Variants in MAP4K1 observed in about 807,000 individuals in gnomAD.
The protein encoded by MAP4K1 is MAPK/ERK kinase kinase kinase 1.
A neutral mutation model predicts 122.8 loss-of-function variants in MAP4K1; 35 were observed. The observed-to-expected ratio is 0.29, with a 90% CI of 0.22 to 0.38. The LOEUF is 0.38. MAP4K1 is among the 10% of genes least tolerant of loss of function. The pLI is 1.00. For missense variants in MAP4K1, 791 were observed against 1,072.6 expected, an observed-to-expected ratio of 0.74 and a Z score of 3.67; for synonymous variants, 412 against 421.3, an observed-to-expected ratio of 0.98 and a Z score of 0.27.
At position 38,601,475 on chromosome 19, in the gene MAP4K1, G is replaced by A. The variant is rs766058383; in HGVS notation, c.1497C>T (p.His499=). 1 of 1,610,552 alleles carries A rather than the reference G, an allele frequency of 6.2e-7. No individual in the cohort carries two copies. The highest frequency in any genetic ancestry group is 1.7e-5 in the Admixed American group (1 of 59,562). The part of the protein sequence containing the change: ...KLFNGCPLRI[H]STAAWTHPST... Reference sequence around the variant, plus strand: ...AGGGATGTGTCCAGGCGGCCGTGCTGTGGATCCGGAGGGGGCAGCCATTGA... The same window carrying A: ...AGGGATGTGTCCAGGCGGCCGTGCTATGGATCCGGAGGGGGCAGCCATTGA... The change falls in exon 20 of 31, where the codon CAC becomes CAT. Residue 499 remains histidine (H), a synonymous_variant. Coordinates refer to ENST00000396857, the MANE Select transcript of MAP4K1 (RefSeq NM_001042600.3).
chr19:38,601,122 T>C (rs1217205376), intron 20 of MAP4K1, among the ~76,000 whole-genome samples: 1 of 152,002 alleles, frequency 6.6e-6, no homozygotes, highest in African/African-American at 2.4e-5. Context: ...GCTTCTTTTG[T>C]ATTTTTAGTA....
At chr19:38,614,222 G>A (rs748036161) in intron 6 of MAP4K1, 23 bp downstream of exon 6, 2 of 1,611,458 alleles carry the variant, frequency 1.2e-6, no homozygotes, top group Non-Finnish European at 1.7e-6. Flanking sequence ...CCCCCCAACA[G>A]CACCCCTACA....
chr19:38,601,008 G>A (rs1323125674), intron 20 of MAP4K1, among the ~76,000 whole-genome samples: 4 of 152,146 alleles, frequency 2.6e-5, no homozygotes, highest in Non-Finnish European at 4.4e-5. Flanking sequence ...GTTTTACCAC[G>A]TTGGCCAGGC....
At chr19:38,604,310 C>T (rs1290865183) in intron 19 of MAP4K1, among the ~76,000 whole-genome samples, 1 of 152,010 alleles carries the variant, frequency 6.6e-6, no homozygotes, top group African/African-American at 2.4e-5. Context: ...TGTACATCTC[C>T]ATTTATGAGA....
At chr19:38,602,746 A>G (rs1975130267) in intron 19 of MAP4K1, among the ~76,000 whole-genome samples, 1 of 149,054 alleles carries the variant, frequency 6.7e-6, no homozygotes. Flanking sequence ...ACATATATAC[A>G]CATGTACATA....
rs930487242 is a variant in MAP4K1 at position 38,617,290 on chromosome 19, C to T, written c.248+64G>A. The T allele has an allele frequency of 2.4e-4, 258 of 1,094,340 alleles. No individual in the cohort carries two copies. The highest frequency in any genetic ancestry group is 3.0e-4 in the Non-Finnish European group (213 of 707,636). The allele number at this position is 1,094,340 out of a possible 1,614,324, so 67.8% of individuals were successfully genotyped here. A position where few individuals can be genotyped will look rare whatever the true frequency, so the allele number is the denominator to read the frequency against. ...AAAAAAGAACTGAGGGTACCCCCATCAAGAAATGGGGACTCCGGGTTAGGG... is the reference window on the plus strand; with the variant it reads ...AAAAAAGAACTGAGGGTACCCCCATTAAGAAATGGGGACTCCGGGTTAGGG... On this transcript the variant is annotated intron_variant, in intron 3 of 30. Coordinates refer to ENST00000396857, the MANE Select transcript of MAP4K1 (RefSeq NM_001042600.3). This position sits in a 1 kb window ranked among gnomAD's most constrained non-coding sequence, Gnocchi z 4.1.
intron 9 of MAP4K1, 118 bp from the exon 10 acceptor site, chr19:38,611,423 A>G: frequency 2.8e-6 from 2 of 721,464 alleles, no homozygotes; most frequent in Non-Finnish European, 5.0e-6. Flanking sequence ...ACAGCATGGA[A>G]GTGAGGTTCA....
At chr19:38,608,790 A>C (rs1975406567) in intron 13 of MAP4K1, among the ~76,000 whole-genome samples, 1 of 129,188 alleles carries the variant, frequency 7.7e-6, no homozygotes, top group African/African-American at 3.0e-5. Flanking sequence ...ACAGAGTGAA[A>C]CTCCGTCTCA....
chr19:38,601,279 T>C (rs1975055735), intron 20 of MAP4K1, 162 bp downstream of exon 20: 1 of 604,874 alleles, frequency 1.7e-6, no homozygotes, highest in East Asian at 3.1e-5. Context: ...CACCAAATCC[T>C]GAGTGTAAGG....
chr19:38,608,696 A>G (rs530843703), intron 13 of MAP4K1, among the ~76,000 whole-genome samples: 1 of 144,878 alleles, frequency 6.9e-6, no homozygotes, highest in East Asian at 2.2e-4. Context: ...ATTACTCTGG[A>G]GGCTGAGGCA....
At position 38,617,761 on chromosome 19, in the gene MAP4K1, G is replaced by T; in HGVS notation, c.99+36C>A. The T allele has an allele frequency of 6.2e-7, 1 of 1,611,106 alleles. No individual in the cohort carries two copies. Among genetic ancestry groups the T allele is most frequent in the Non-Finnish European group, 8.5e-7 (1 of 1,177,244 alleles). ...CCGAGGGCTTGCCTTAAAGGTCACT[G>T]GTTGTAGGGTGTTGGGGACAGAGGG... is the stretch of plus-strand genomic sequence containing the variant. On this transcript the variant is annotated intron_variant, in intron 1 of 30. Coordinates refer to ENST00000396857, the MANE Select transcript of MAP4K1 (RefSeq NM_001042600.3). This position sits in a 1 kb window ranked among gnomAD's most constrained non-coding sequence, Gnocchi z 4.1.
At chr19:38,592,407 T>TCTACTAAAAATACAAAATA (rs1290036069) in intron 30 of MAP4K1, 86 of 151,238 alleles carry the variant, frequency 5.7e-4, no homozygotes, top group African/African-American at 2.1e-3. Context: ...AAACCCCGTC[T>TCTACTAAAAATACAAAATA]CTACTAAAAA....
chr19:38,589,890 T>G (rs1175190948), intron 30 of MAP4K1, among the ~76,000 whole-genome samples: 5 of 151,802 alleles, frequency 3.3e-5, no homozygotes, highest in Non-Finnish European at 7.4e-5. Context: ...ATAAGCCAGG[T>G]GTAGTGGTAC....
chr19:38,616,701 T>G (rs1975656898), intron 3 of MAP4K1, among the ~76,000 whole-genome samples: 2 of 152,150 alleles, frequency 1.3e-5, no homozygotes, highest in African/African-American at 4.8e-5. Context: ...TGAAACTGGG[T>G]GAGCCAAAGA....
chr19:38,590,386 AAAAAAAAAATAT>A (rs1323036648), intron 30 of MAP4K1, among the ~76,000 whole-genome samples: 8 of 68,558 alleles, frequency 1.2e-4, no homozygotes, highest in South Asian at 5.6e-4. Context: ...AAAAAAAAAA[AAAAAAAAAATAT>A]ATATATATAT....
rs750287237 is a variant in MAP4K1, at chr19:38,617,307, G to A, written c.248+47C>T. ...ACCCCCATCAAGAAATGGGGACTCC[G>A]GGTTAGGGGCTGGGCTGGGTGCCAG... is the stretch of plus-strand genomic sequence containing the variant. On this transcript the variant is annotated intron_variant, in intron 3 of 30. Transcript: ENST00000396857. The surrounding 1 kb of genome is among the most constrained non-coding windows in gnomAD (Gnocchi z 4.1). 1.2e-5 allele frequency: 16 copies of A among 1,340,406 alleles called. No homozygotes were observed. Among genetic ancestry groups the A allele is most frequent in the Middle Eastern group, 2.3e-4 (1 of 4,404 alleles). 83.0% of individuals were successfully genotyped at this position (1,340,406 alleles called of 1,614,324 possible). A position where few individuals can be genotyped will look rare whatever the true frequency, so the allele number is the denominator to read the frequency against.
At position 38,603,145 on chromosome 19, in the gene MAP4K1, C is replaced by CATATAT. The variant is rs771662992; in HGVS notation, c.1447-1621_1447-1620insATATAT. Among the ~76,000 whole-genome samples, 41 of 146,692 alleles carry CATATAT rather than the reference C, an allele frequency of 2.8e-4. 2 individuals carry two copies. The East Asian group carries it at 3.6e-3, about 13-fold the overall frequency. ...ACATATATACGCATATACATATATA[C>CATATAT]ACACATATACATGTATACATATATA... On this transcript the variant is annotated intron_variant, in intron 19 of 30. Coordinates refer to ENST00000396857, the MANE Select transcript of MAP4K1 (RefSeq NM_001042600.3).
At chr19:38,608,980 CA>C (rs948973019) in intron 13 of MAP4K1, among the ~76,000 whole-genome samples, 2 of 151,700 alleles carry the variant, frequency 1.3e-5, no homozygotes, top group Non-Finnish European at 2.9e-5. Context: ...GATCCTGTCA[CA>C]AAAAAATAAA....
At position 38,614,458 on chromosome 19, in the gene MAP4K1, C is replaced by G. The variant is rs202144106; in HGVS notation, c.314-13G>C. On this transcript the variant is annotated splice_polypyrimidine_tract_variant and intron_variant, in intron 4 of 30. Coordinates refer to ENST00000396857, the MANE Select transcript of MAP4K1 (RefSeq NM_001042600.3). ...AGGGAGCCTGTCACTGCAAAGGTCACCCCGGCCAGGCCAGGCATTGGATGG... is the reference window on the plus strand; with the variant it reads ...AGGGAGCCTGTCACTGCAAAGGTCAGCCCGGCCAGGCCAGGCATTGGATGG... 27 of 1,613,936 alleles carry G rather than the reference C, an allele frequency of 1.7e-5. No homozygotes were observed. The highest frequency in any genetic ancestry group is 1.6e-4 in the Middle Eastern group (1 of 6,062).
Sources: allele counts gnomAD v4.1 joint callset (sites outside exome capture counted in the v4.1 genomes callset), GRCh38; gene constraint gnomAD v4.1.1; non-coding constraint Gnocchi (gnomAD v3.1); transcripts MANE v1.5; gene names NCBI Gene and HGNC (gene_info 2026-07-23, HGNC 2026-07-21).